GPHN: variants seen among roughly 807,000 people sequenced by gnomAD.
GPHN encodes the protein gephyrin.
GPHN carries 17 observed loss-of-function variants against 95.5 expected under a neutral mutation model. The observed-to-expected ratio is 0.18, with a 90% CI of 0.12 to 0.27. The LOEUF is 0.27. Among genes scored for constraint, GPHN ranks in the 10% least tolerant of loss-of-function variants. The pLI is 1.00. For synonymous variants in GPHN, 320 were observed against 322.5 expected (o/e 0.99, Z 0.08); for missense variants, 660 against 978.1 (o/e 0.67, Z 4.34).
intron 11 of GPHN, among the ~76,000 whole-genome samples, chr14:67,069,280 C>T (rs1445128489): frequency 6.6e-6 from 1 of 152,186 alleles, no homozygotes; most frequent in Non-Finnish European, 1.5e-5. Flanking sequence ...TTCCTCTACT[C>T]TCCTAACATG....
At chr14:67,714,642 C>A in the GPHN span, 1 of 162,234 alleles carries the variant, frequency 6.2e-6, no homozygotes, top group South Asian at 1.6e-4. Flanking sequence ...CCATGCAAAT[C>A]TACAAGAAAG....
At chr14:67,057,976 A>G (rs1172426076) in intron 10 of GPHN, among the ~76,000 whole-genome samples, 1 of 152,258 alleles carries the variant, frequency 6.6e-6, no homozygotes, top group Non-Finnish European at 1.5e-5. Flanking sequence ...ACATATTTTT[A>G]AAAGAAACTT....
intron 2 of GPHN, among the ~76,000 whole-genome samples, chr14:66,684,949 T>C (rs1487533306): frequency 6.6e-6 from 1 of 152,180 alleles, no homozygotes. Context: ...CCTTCCTGTG[T>C]CCAAGTGTTC....
At chr14:66,560,531 GCTCT>G (rs981927623) in intron 1 of GPHN, among the ~76,000 whole-genome samples, 27 of 152,042 alleles carry the variant, frequency 1.8e-4, no homozygotes, top group African/African-American at 6.5e-4. Context: ...TCATGATTTG[GCTCT>G]CTGTTTGTCT....
chr14:66,795,037 T>C (rs952473306), intron 3 of GPHN, among the ~76,000 whole-genome samples: 4 of 152,074 alleles, frequency 2.6e-5, no homozygotes, highest in African/African-American at 9.7e-5. Flanking sequence ...AGCCAATAGT[T>C]TGAGTCCAGC....
At chr14:67,323,815 A>C in the GPHN span, 1 of 1,481,924 alleles carries the variant, frequency 6.7e-7, no homozygotes, top group East Asian at 2.4e-5. Flanking sequence ...ATCCAAAGGT[A>C]AAGTTTTCAC....
intron 7 of GPHN, 128 bp from the exon 8 acceptor site, chr14:66,924,066 A>G (rs775179681): frequency 2.2e-5 from 15 of 689,366 alleles, no homozygotes; most frequent in Non-Finnish European, 3.4e-5. Context: ...CTGTCATTCT[A>G]CATTTGGAAA....
chr14:67,209,202 G>T, the GPHN span, among the ~76,000 whole-genome samples: 1 of 152,164 alleles, frequency 6.6e-6, no homozygotes, highest in Non-Finnish European at 1.5e-5. Context: ...CAGCAAAAAT[G>T]ATCAAGTCCA....
At chr14:66,777,639 T>C (rs1202615170) in intron 3 of GPHN, among the ~76,000 whole-genome samples, 1 of 152,200 alleles carries the variant, frequency 6.6e-6, no homozygotes, top group Non-Finnish European at 1.5e-5. Context: ...TCAAGTGGGC[T>C]TCATCCCTGG....
At chr14:67,215,423 T>C in the GPHN span, among the ~76,000 whole-genome samples, 8 of 151,784 alleles carry the variant, frequency 5.3e-5, no homozygotes, top group East Asian at 1.6e-3. Context: ...TTTTTTATGA[T>C]AACCACTGAG....
At chr14:67,321,218 A>G in the GPHN span, 1 of 1,614,240 alleles carries the variant, frequency 6.2e-7, no homozygotes, top group South Asian at 1.1e-5. Flanking sequence ...ACGGCAAGTG[A>G]TCAACTCTGG....
chr14:66,563,699 A>G (rs1307569705), intron 1 of GPHN, among the ~76,000 whole-genome samples: 3 of 152,148 alleles, frequency 2.0e-5, no homozygotes, highest in Non-Finnish European at 4.4e-5. Flanking sequence ...CTGATTTACT[A>G]CCATATCTTT....
the GPHN span, among the ~76,000 whole-genome samples, chr14:67,638,454 C>T: frequency 3.9e-5 from 6 of 152,076 alleles, no homozygotes; most frequent in South Asian, 4.1e-4. Context: ...CTGATATACA[C>T]GTTATCCAAT....
chr14:67,205,223 A>ATCTCAC, the GPHN span: 4 of 864,400 alleles, frequency 4.6e-6, no homozygotes, highest in Non-Finnish European at 6.8e-6. Context: ...CCTAATTTTA[A>ATCTCAC]TAGTGAGATT....
intron 5 of GPHN, among the ~76,000 whole-genome samples, chr14:66,891,653 C>T (rs755313046): frequency 8.6e-5 from 13 of 151,908 alleles, no homozygotes; most frequent in African/African-American, 2.4e-4. Flanking sequence ...TGGACTTTAT[C>T]GATGTTGAAA....
At chr14:66,858,499 C>T (rs1424749664) in intron 4 of GPHN, among the ~76,000 whole-genome samples, 1 of 151,684 alleles carries the variant, frequency 6.6e-6, no homozygotes, top group African/African-American at 2.4e-5. Flanking sequence ...ACCTTGGATC[C>T]TCCAAGGTCC....
chr14:67,040,685 T>C (rs987140174), intron 10 of GPHN, among the ~76,000 whole-genome samples: 1 of 152,180 alleles, frequency 6.6e-6, no homozygotes, highest in Non-Finnish European at 1.5e-5. Flanking sequence ...TTTTGAAGCA[T>C]ATAGCTCAGT....
rs200077506 is a variant in GPHN, at chr14:67,049,117, A to AT, written c.1007-9523dup. Among the ~76,000 whole-genome samples, 573 of 151,716 alleles carry AT rather than the reference A, an allele frequency of 3.8e-3. 3 individuals are homozygous for AT. Among genetic ancestry groups the AT allele is most frequent in the Non-Finnish European group, 6.8e-3 (464 of 67,886 alleles). On this transcript the variant is annotated intron_variant, in intron 10 of 22. Coordinates refer to ENST00000478722, the MANE Select transcript of GPHN (RefSeq NM_020806.5). ...GGAAAAAGTGCATACTTTTTTCTCA[A>AT]TTTTTTTTTCTCTTCTAACAAACTT...
chr14:66,993,679 C>A (rs1275003966), intron 9 of GPHN, among the ~76,000 whole-genome samples: 1 of 152,052 alleles, frequency 6.6e-6, no homozygotes, highest in East Asian at 1.9e-4. Flanking sequence ...TGGGGAAGAA[C>A]AGATGAAACA....
Sources: gnomAD v4.1 joint callset for allele counts (sites outside exome capture counted in the v4.1 genomes callset) on GRCh38, gnomAD v4.1.1 for gene constraint, MANE v1.5 for transcripts, NCBI Gene and HGNC (gene_info 2026-07-23, HGNC 2026-07-21) for gene names.